The following AJAP1 variants were observed in gnomAD, a reference collection of about 807,000 sequenced individuals.
AJAP1 encodes adherens junction-associated protein 1.
Under a neutral mutation model 35.0 loss-of-function variants are expected in AJAP1, and 5 were observed. The ratio of observed to expected loss-of-function variants is 0.14; its 90% CI spans 0.07 to 0.30. AJAP1 has a LOEUF of 0.30. AJAP1 is among the 10% of genes least tolerant of loss of function. AJAP1 has a pLI of 1.00. For synonymous variants in AJAP1, 284 were observed against 249.3 expected (o/e 1.14, Z -1.31); for missense variants, 586 against 571.0 (o/e 1.03, Z -0.27).
At chr1:4,694,209 C>T (rs1370865670) in intron 1 of AJAP1, among the ~76,000 whole-genome samples, 1 of 152,196 alleles carries the variant, frequency 6.6e-6, no homozygotes, top group Non-Finnish European at 1.5e-5. Context: ...GCCCTCAGCT[C>T]CTTTGCCGGG....
At chr1:4,749,323 C>G (rs1168819966) in intron 2 of AJAP1, among the ~76,000 whole-genome samples, 1 of 152,198 alleles carries the variant, frequency 6.6e-6, no homozygotes, top group African/African-American at 2.4e-5. Flanking sequence ...CCTCCCCTTG[C>G]AGAAGTCACC....
Position 4,712,425 on chromosome 1 carries a change from C to A in AJAP1, c.555C>A (p.Pro185=). 1 of 1,602,668 alleles carries A rather than the reference C, an allele frequency of 6.2e-7. No individual in the cohort carries two copies. Among genetic ancestry groups the A allele is most frequent in the Non-Finnish European group, 8.5e-7 (1 of 1,174,870 alleles). Residue 185 remains proline (P), a synonymous_variant, in exon 2 of 6, where the codon CCC becomes CCA. Transcript: ENST00000378191. The part of the protein sequence containing the change: ...TTETEFIAWG[P]TGDEEALESN... ...AGACTGAGTTCATCGCCTGGGGGCC[C>A]ACGGGGGACGAGGAGGCCCTGGAGT...
chr1:4,659,416 G>T (rs536440065), intron 1 of AJAP1, among the ~76,000 whole-genome samples: 2 of 152,144 alleles, frequency 1.3e-5, no homozygotes. Flanking sequence ...TGGTACAGTC[G>T]ACTCCATTCT....
intron 1 of AJAP1, among the ~76,000 whole-genome samples, chr1:4,658,433 G>A (rs2100500163): frequency 6.6e-6 from 1 of 152,336 alleles, no homozygotes; most frequent in South Asian, 2.1e-4. Flanking sequence ...CCAGGCAGCT[G>A]GGGCTGTGCA....
intron 1 of AJAP1, among the ~76,000 whole-genome samples, chr1:4,706,142 C>T (rs899694262): frequency 1.3e-5 from 2 of 152,124 alleles, no homozygotes; most frequent in Admixed American, 6.5e-5. Flanking sequence ...CCTGGGTCCT[C>T]GGGGAAGGGA....
intron 1 of AJAP1, among the ~76,000 whole-genome samples, chr1:4,700,762 G>T (rs1639970066): frequency 6.6e-6 from 1 of 152,180 alleles, no homozygotes; most frequent in Non-Finnish European, 1.5e-5. Flanking sequence ...AGCAGCCGAG[G>T]CTGCACTGCT....
intron 1 of AJAP1, among the ~76,000 whole-genome samples, chr1:4,697,839 A>T (rs1639901054): frequency 6.6e-6 from 1 of 152,238 alleles, no homozygotes; most frequent in Admixed American, 6.5e-5. Flanking sequence ...AATGGGCTGG[A>T]TCTGGACCTG....
chr1:4,752,620 G>A (rs1641344058), intron 2 of AJAP1, among the ~76,000 whole-genome samples: 1 of 152,154 alleles, frequency 6.6e-6, no homozygotes. Flanking sequence ...ATGAGGTCTG[G>A]CCTCCTTCCT....
chr1:4,688,206 CGGAGGTTGGTG>C (rs1639652490), intron 1 of AJAP1, among the ~76,000 whole-genome samples: 2 of 152,052 alleles, frequency 1.3e-5, no homozygotes, highest in Non-Finnish European at 2.9e-5. Flanking sequence ...AGTGACACTT[CGGAGGTTGGTG>C]GCATGTTGCC....
At position 4,712,754 on chromosome 1, in the gene AJAP1, T is replaced by A. The variant is rs961202390; in HGVS notation, c.829+55T>A. ...TGCTTGGGGTTGAGGGCTGGGAGCG[T>A]GACTCGGGAGAGATGCTTAGATGTC... On this transcript the variant is annotated intron_variant, in intron 2 of 5. Coordinates refer to ENST00000378191, the MANE Select transcript of AJAP1 (RefSeq NM_018836.4). 6 of 1,473,864 alleles carry A rather than the reference T, an allele frequency of 4.1e-6. No homozygotes were observed. The African/African-American group carries it at 8.5e-5, about 21-fold the overall frequency. 91.3% of individuals were successfully genotyped at this position (1,473,864 alleles called of 1,614,324 possible).
chr1:4,787,510 A>C lies in AJAP1; in HGVS notation c.*5025A>C. The C allele has an allele frequency of 3.0e-6, 1 of 333,098 alleles. No homozygotes were observed. Among genetic ancestry groups the C allele is most frequent in the Non-Finnish European group, 6.0e-6 (1 of 166,476 alleles). The allele number at this position is 333,098 out of a possible 1,614,324, so 20.6% of individuals were successfully genotyped here. A position where few individuals can be genotyped will look rare whatever the true frequency, so the allele number is the denominator to read the frequency against. On this transcript the variant is annotated 3_prime_UTR_variant, in exon 6 of 6. Transcript: ENST00000378191. ...TAGTCTTAGCTCTTGGATAAAATGCAGTGCAGCACTGAAGATAAGACATCG... is the reference window on the plus strand; with the variant it reads ...TAGTCTTAGCTCTTGGATAAAATGCCGTGCAGCACTGAAGATAAGACATCG...
At chr1:4,736,501 A>C (rs1640927343) in intron 2 of AJAP1, among the ~76,000 whole-genome samples, 1 of 152,194 alleles carries the variant, frequency 6.6e-6, no homozygotes, top group Non-Finnish European at 1.5e-5. Context: ...GCCAGCGATA[A>C]TCTCTTCCTT....
intron 1 of AJAP1, among the ~76,000 whole-genome samples, chr1:4,711,386 G>GCGCTT (rs1225479875): frequency 1.3e-5 from 2 of 152,142 alleles, no homozygotes; most frequent in Non-Finnish European, 2.9e-5. Flanking sequence ...CTGGGGAGAG[G>GCGCTT]CGCTTCCCCA....
intron 1 of AJAP1, among the ~76,000 whole-genome samples, chr1:4,700,476 C>T (rs550553505): frequency 6.6e-6 from 1 of 152,284 alleles, no homozygotes; most frequent in East Asian, 1.9e-4. Flanking sequence ...AGAACCTCTC[C>T]TTGGCTTTGC....
chr1:4,730,445 A>C (rs931408880), intron 2 of AJAP1, among the ~76,000 whole-genome samples: 1 of 152,044 alleles, frequency 6.6e-6, no homozygotes. Flanking sequence ...GAGAGCGCCT[A>C]CCTTCCTCTT....
chr1:4,692,050 G>A lies in AJAP1; in HGVS notation c.30-19850G>A, dbSNP rs573396013. On this transcript the variant is annotated intron_variant, in intron 1 of 5. Transcript: ENST00000378191. The surrounding 1 kb of genome is among the most constrained non-coding windows in gnomAD (Gnocchi z 4.4). ...AGGCCGGGTGTCCCTGAGACTGGCC[G>A]AGGCCCTCAGCCCTGTGCTCCTTCC... Among the ~76,000 whole-genome samples the A allele has an allele frequency of 3.9e-5, 6 of 152,260 alleles. No individual in the cohort carries two copies. The highest frequency in any genetic ancestry group is 1.9e-4 in the East Asian group (1 of 5,152).
chr1:4,698,435 G>C (rs1639915388), intron 1 of AJAP1, among the ~76,000 whole-genome samples: 1 of 152,230 alleles, frequency 6.6e-6, no homozygotes, highest in African/African-American at 2.4e-5. Context: ...GCAGGATATG[G>C]AGAAGGCTGT....
chr1:4,687,247 C>T (rs1639625881), intron 1 of AJAP1, among the ~76,000 whole-genome samples: 1 of 152,208 alleles, frequency 6.6e-6, no homozygotes, highest in Non-Finnish European at 1.5e-5. Context: ...CATGGGCACT[C>T]GCTATGTAGT....
intron 5 of AJAP1, among the ~76,000 whole-genome samples, chr1:4,779,897 C>A (rs1333897364): frequency 6.6e-6 from 1 of 152,070 alleles, no homozygotes; most frequent in Non-Finnish European, 1.5e-5. Flanking sequence ...GTAATCCCAG[C>A]ACTTTGGGAG....
Sources: gnomAD v4.1 joint callset for allele counts (sites outside exome capture counted in the v4.1 genomes callset) on GRCh38, gnomAD v4.1.1 for gene constraint, Gnocchi (gnomAD v3.1) non-coding constraint, MANE v1.5 for transcripts, NCBI Gene and HGNC (gene_info 2026-07-23, HGNC 2026-07-21) for gene names.